Variants in CELF1 observed in about 807,000 individuals in gnomAD.
The protein encoded by CELF1 is CUGBP Elav-like family member 1.
CELF1 carries 10 observed loss-of-function variants against 61.8 expected under a neutral mutation model. The observed-to-expected ratio is 0.16, with a 90% CI of 0.10 to 0.27. CELF1 has a LOEUF of 0.27. Ranked by LOEUF, CELF1 falls within the 10% of genes least tolerant of loss-of-function variation. The pLI, the probability that CELF1 is intolerant of heterozygous loss-of-function variation, is 1.00. For missense variants in CELF1, 380 were observed against 639.1 expected (o/e 0.59, Z 4.37); for synonymous variants, 236 against 225.1 (o/e 1.05, Z -0.43).
rs1035942389 is a variant in CELF1, at chr11:47,533,679, G to A, written c.-154+19313C>T. 1.0e-4 allele frequency among the ~76,000 whole-genome samples: 15 copies of A among 147,634 alleles called. No homozygotes were observed. The South Asian group carries it at 1.9e-3, about 19-fold the overall frequency. On this transcript the variant is annotated intron_variant, in intron 1 of 14. Coordinates refer to ENST00000687097, the MANE Select transcript of CELF1 (RefSeq NM_001376376.1). ...ACATAAATTAGCTGAGCATGGTGGC[G>A]GGCACTTGCAATCCCAGCTACTTGG...
chr11:47,552,999 T>C lies in CELF1; in HGVS notation c.-161A>G. Reference sequence around the variant, plus strand: ...TGCGGCCGCAGCACTCACCAGCGGCTGCACCTGAGCCTGCCGCTGCCTCAG... The same window carrying C: ...TGCGGCCGCAGCACTCACCAGCGGCCGCACCTGAGCCTGCCGCTGCCTCAG... On this transcript the variant is annotated 5_prime_UTR_variant, in exon 1 of 15. Coordinates refer to ENST00000687097, the MANE Select transcript of CELF1 (RefSeq NM_001376376.1). The C allele has an allele frequency of 2.5e-6, 1 of 398,062 alleles. No individual in the cohort carries two copies. The highest frequency in any genetic ancestry group is 4.4e-6 in the Non-Finnish European group (1 of 225,744). The allele number at this position is 398,062 out of a possible 1,614,324, so 24.7% of individuals were successfully genotyped here. A position where few individuals can be genotyped will look rare whatever the true frequency, so the allele number is the denominator to read the frequency against.
chr11:47,508,738 C>T (rs751522693), intron 1 of CELF1, among the ~76,000 whole-genome samples: 2 of 151,928 alleles, frequency 1.3e-5, no homozygotes, highest in Admixed American at 6.6e-5. Flanking sequence ...AGGATTCTGT[C>T]ACCTGGAGAA....
intron 2 of CELF1, 129 bp from the exon 3 acceptor site, chr11:47,499,733 A>G: frequency 1.8e-6 from 1 of 567,050 alleles, no homozygotes; most frequent in Non-Finnish European, 3.2e-6. Flanking sequence ...GGATGTGACC[A>G]TGTGAAGGGA....
chr11:47,486,626 C>T (rs918169055), intron 6 of CELF1, 124 bp downstream of exon 6: 37 of 750,346 alleles, frequency 4.9e-5, no homozygotes, highest in Middle Eastern at 2.4e-4. Context: ...GCCAGACTGG[C>T]TCGAACTCCG....
chr11:47,540,831 G>A (rs2153722298), intron 1 of CELF1, among the ~76,000 whole-genome samples: 2 of 152,284 alleles, frequency 1.3e-5, no homozygotes, highest in East Asian at 3.9e-4. Context: ...GCTGCAGTGA[G>A]CCGAGATCGC....
rs567884662 is a variant in CELF1 at position 47,515,760 on chromosome 11, A to AT, written c.-153-14829_-153-14828insA. ...TTCCCATTTTTCAGATGAAGGAACT[A>AT]AAGGGAAGATAAGGGATTAAGAGAC... On this transcript the variant is annotated intron_variant, in intron 1 of 14. Transcript: ENST00000687097. Among the ~76,000 whole-genome samples, 202 of 152,334 alleles carry AT rather than the reference A, an allele frequency of 1.3e-3. 1 individual carries two copies. Among genetic ancestry groups the AT allele is most frequent in the African/African-American group, 4.8e-3 (198 of 41,572 alleles).
intron 2 of CELF1, among the ~76,000 whole-genome samples, chr11:47,561,209 C>T (rs1429903831): frequency 1.3e-5 from 2 of 149,034 alleles, no homozygotes; most frequent in Non-Finnish European, 3.0e-5. Context: ...TTTTGGGAGG[C>T]CGAGACAGGT....
At chr11:47,540,609 G>A (rs1565902980) in intron 1 of CELF1, among the ~76,000 whole-genome samples, 1 of 152,114 alleles carries the variant, frequency 6.6e-6, no homozygotes, top group Non-Finnish European at 1.5e-5. Context: ...AGCAGGCTGG[G>A]CGCGGTGGCT....
At chr11:47,517,519 TAAG>T in intron 1 of CELF1, among the ~76,000 whole-genome samples, 1 of 152,130 alleles carries the variant, frequency 6.6e-6, no homozygotes, top group Non-Finnish European at 1.5e-5. Flanking sequence ...ATTCATATAA[TAAG>T]AAAGGAATTA....
chr11:47,501,205 G>GCTT (rs1213748985), intron 1 of CELF1, among the ~76,000 whole-genome samples: 1 of 152,162 alleles, frequency 6.6e-6, no homozygotes, highest in East Asian at 1.9e-4. Flanking sequence ...TACTATAGAG[G>GCTT]CAGAAGTGGC....
At chr11:47,551,804 A>T (rs140183429) in intron 1 of CELF1, among the ~76,000 whole-genome samples, 3,558 of 152,278 alleles carry the variant, frequency 0.023, 53 homozygotes, top group Non-Finnish European at 0.034. Context: ...ACCCGAGGTC[A>T]GGAGTTCGAG....
At chr11:47,541,688 A>C (rs200105458) in intron 1 of CELF1, among the ~76,000 whole-genome samples, 6 of 362 alleles carry the variant, frequency 0.017, 2 homozygotes, top group Admixed American at 0.2. Context: ...GAGACTGTCA[A>C]AGAAAGAAAG....
At chr11:47,511,834 A>C (rs1217062615) in intron 1 of CELF1, among the ~76,000 whole-genome samples, 2 of 152,016 alleles carry the variant, frequency 1.3e-5, no homozygotes, top group African/African-American at 4.8e-5. Flanking sequence ...TTTAAATGCT[A>C]AGGGCCATAA....
chr11:47,545,555 A>T (rs1432523759), intron 1 of CELF1, among the ~76,000 whole-genome samples: 2 of 152,212 alleles, frequency 1.3e-5, no homozygotes, highest in Non-Finnish European at 2.9e-5. Context: ...TATTGTTAAT[A>T]ACAAGGAGCA....
rs569551778 is a variant in CELF1 at position 47,492,081 on chromosome 11, G to A, written c.72-3057C>T. Among the ~76,000 whole-genome samples, 8 of 152,264 alleles carry A rather than the reference G, an allele frequency of 5.3e-5. No individual in the cohort carries two copies. In the South Asian group the frequency reaches 1.0e-3, roughly 20 times the overall value. On this transcript the variant is annotated intron_variant, in intron 3 of 14. Transcript: ENST00000687097. ...CAGCCTCGACCTCCCAGGCTCAAGC[G>A]ATTCTCCTACCTCAGCAATCCCAGT...
At chr11:47,492,806 G>A (rs190064184) in intron 3 of CELF1, among the ~76,000 whole-genome samples, 1 of 152,288 alleles carries the variant, frequency 6.6e-6, no homozygotes, top group East Asian at 1.9e-4. Context: ...TTAATTACCA[G>A]TTGTAATAGC....
At chr11:47,478,843 T>C (rs1291943500) in intron 10 of CELF1, 34 bp downstream of exon 10, 2 of 1,545,656 alleles carry the variant, frequency 1.3e-6, no homozygotes, top group East Asian at 2.3e-5. Context: ...CTGGCCTGGG[T>C]GCTGCTGCTC....
rs776176922 is a variant in CELF1 at position 47,484,460 on chromosome 11, C to T, written c.455G>A (p.Arg152Gln). The part of the protein sequence containing the change: ...ISKKCTENDI[R>Q]VMFSSFGQIE... ...CTGTCCAAACGAAGAGAACATGACT[C>T]GGATGTCATTTTCAGTGCACTTCTT... The change falls in exon 7 of 15, where the codon CGA becomes CAA. Residue 152 changes from arginine (R) to glutamine (Q), a missense_variant. Arg to Gln is a conservative substitution (Grantham distance 43, BLOSUM62 1). Transcript: ENST00000687097. The T allele has an allele frequency of 3.1e-6, 5 of 1,613,520 alleles. No homozygotes were observed. Among genetic ancestry groups the T allele is most frequent in the South Asian group, 2.2e-5 (2 of 91,014 alleles).
intron 1 of CELF1, among the ~76,000 whole-genome samples, chr11:47,520,774 G>A (rs768411390): frequency 2.8e-4 from 43 of 152,128 alleles, no homozygotes; most frequent in Non-Finnish European, 3.2e-4. Context: ...TTGTGCCACT[G>A]CCCTCCAGCC....
Sources: gnomAD v4.1 joint callset for allele counts (sites outside exome capture counted in the v4.1 genomes callset) on GRCh38, gnomAD v4.1.1 for gene constraint, MANE v1.5 for transcripts, NCBI Gene and HGNC (gene_info 2026-07-23, HGNC 2026-07-21) for gene names.